Variants in KYNU observed in about 807,000 individuals in gnomAD.
The protein encoded by KYNU is kynureninase.
Under a neutral mutation model 59.2 loss-of-function variants are expected in KYNU, and 54 were observed. The ratio of observed to expected loss-of-function variants is 0.91; its 90% CI spans 0.73 to 1.14. KYNU has a LOEUF of 1.14. Among genes scored for constraint, KYNU ranks in the 50% most tolerant of loss-of-function variants. KYNU has a pLI of 0.00. For synonymous variants in KYNU, 177 were observed against 192.0 expected, an observed-to-expected ratio of 0.92 and a Z score of 0.65; for missense variants, 567 against 554.4, an observed-to-expected ratio of 1.02 and a Z score of -0.23.
At chr2:142,945,089 A>G (rs1193298005) in intron 4 of KYNU, among the ~76,000 whole-genome samples, 3 of 152,188 alleles carry the variant, frequency 2.0e-5, no homozygotes, top group African/African-American at 7.2e-5. Context: ...CTGCTGACCA[A>G]TTGGGATGGT....
At chr2:143,022,377 A>G (rs352922) in intron 10 of KYNU, among the ~76,000 whole-genome samples, 53,980 of 151,844 alleles carry the variant, frequency 0.36, 10,572 homozygotes, top group East Asian at 0.52. Context: ...TGTGAACCCT[A>G]CTGTTCATAA....
chr2:142,965,329 GGTCT>G (rs1317441095), intron 8 of KYNU, among the ~76,000 whole-genome samples: 1 of 151,894 alleles, frequency 6.6e-6, no homozygotes, highest in Non-Finnish European at 1.5e-5. Context: ...ATCCTTTCAG[GGTCT>G]GTCTTTCTTT....
At chr2:142,958,060 A>G (rs1036179936) in intron 7 of KYNU, 32 of 265,372 alleles carry the variant, frequency 1.2e-4, no homozygotes, top group South Asian at 2.1e-4. Context: ...CATTAAAATC[A>G]TGCTAAAGAC....
At position 143,005,888 on chromosome 2, in the gene KYNU, C is replaced by T. The variant is rs553206253; in HGVS notation, c.902+19867C>T. 1.3e-5 allele frequency among the ~76,000 whole-genome samples: 2 copies of T among 152,140 alleles called. 1 individual carries two copies. The highest frequency in any genetic ancestry group is 4.1e-4 in the South Asian group (2 of 4,820). On this transcript the variant is annotated intron_variant, in intron 10 of 13. Transcript: ENST00000264170. ...TAAAGTTTGCTGCAGTCTAAAGCTA[C>T]AAGTACACATTGCTTCAGTTCATGC...
At position 142,932,994 on chromosome 2, in the gene KYNU, G is replaced by C. The variant is rs575114444; in HGVS notation, c.373+5253G>C. On this transcript the variant is annotated intron_variant, in intron 4 of 13. Transcript: ENST00000264170. Reference sequence around the variant, plus strand: ...GCTGGTTAGCATAGTGATTTGGGGGGTTTCTATGAATAGAGCATACAGTTG... The same window carrying C: ...GCTGGTTAGCATAGTGATTTGGGGGCTTTCTATGAATAGAGCATACAGTTG... 1.9e-4 allele frequency among the ~76,000 whole-genome samples: 29 copies of C among 152,192 alleles called. No individual in the cohort carries two copies. In the South Asian group the frequency reaches 6.0e-3, roughly 32 times the overall value.
At chr2:142,942,172 AAAG>A (rs1486286347) in intron 4 of KYNU, among the ~76,000 whole-genome samples, 1 of 151,026 alleles carries the variant, frequency 6.6e-6, no homozygotes, top group Non-Finnish European at 1.5e-5. Flanking sequence ...AAAAAAAAAA[AAAG>A]AAAAAAAAAA....
intron 4 of KYNU, among the ~76,000 whole-genome samples, chr2:142,939,318 T>A (rs1683500994): frequency 6.6e-6 from 1 of 151,998 alleles, no homozygotes; most frequent in Non-Finnish European, 1.5e-5. Flanking sequence ...AGATAACAGA[T>A]TGAGTCTGAG....
At chr2:142,952,073 C>T (rs763008647) in intron 4 of KYNU, among the ~76,000 whole-genome samples, 1 of 152,034 alleles carries the variant, frequency 6.6e-6, no homozygotes, top group East Asian at 1.9e-4. Flanking sequence ...GAATCTGTAT[C>T]GTGTTTTGTT....
chr2:142,985,738 A>G (rs1398648765), intron 9 of KYNU, among the ~76,000 whole-genome samples: 1 of 151,966 alleles, frequency 6.6e-6, no homozygotes. Context: ...AGTAATAGCC[A>G]TTTATTCTCA....
intron 6 of KYNU, 133 bp downstream of exon 6, chr2:142,956,407 T>C (rs1340962051): frequency 1.6e-6 from 1 of 611,010 alleles, no homozygotes; most frequent in African/African-American, 1.9e-5. Flanking sequence ...TCAAATGCTT[T>C]TGATTAAATT....
At chr2:142,901,405 C>A (rs13011324) in intron 2 of KYNU, among the ~76,000 whole-genome samples, 22,671 of 152,048 alleles carry the variant, frequency 0.15, 2,601 homozygotes, top group African/African-American at 0.32. Flanking sequence ...TACTAGGGGT[C>A]CTTCTATAAG....
intron 10 of KYNU, among the ~76,000 whole-genome samples, chr2:143,026,479 G>A (rs1359869993): frequency 6.6e-6 from 1 of 152,202 alleles, no homozygotes; most frequent in Non-Finnish European, 1.5e-5. Context: ...ACGAGCGAAC[G>A]AGTACGGGAG....
chr2:142,959,376 C>T (rs778692556), intron 7 of KYNU, among the ~76,000 whole-genome samples: 4 of 152,024 alleles, frequency 2.6e-5, no homozygotes, highest in Non-Finnish European at 5.9e-5. Context: ...CACGTGAGGC[C>T]GGGAGTTCAA....
At chr2:143,007,282 C>T (rs955993641) in intron 10 of KYNU, among the ~76,000 whole-genome samples, 9 of 149,332 alleles carry the variant, frequency 6.0e-5, no homozygotes, top group South Asian at 2.1e-4. Context: ...GGAACCGGTG[C>T]GATCAACTGG....
chr2:142,975,960 G>T (rs1449453915), intron 8 of KYNU, among the ~76,000 whole-genome samples: 1 of 151,994 alleles, frequency 6.6e-6, no homozygotes, highest in Non-Finnish European at 1.5e-5. Context: ...CTCCCTTATT[G>T]GATTTCTTAT....
chr2:142,924,746 A>C (rs1171173990), intron 3 of KYNU, among the ~76,000 whole-genome samples: 2 of 152,232 alleles, frequency 1.3e-5, no homozygotes, highest in African/African-American at 4.8e-5. Flanking sequence ...TTGTAAAAGA[A>C]GATTACATCT....
intron 11 of KYNU, among the ~76,000 whole-genome samples, chr2:143,031,766 G>A (rs1357385547): frequency 6.6e-6 from 1 of 152,128 alleles, no homozygotes; most frequent in Non-Finnish European, 1.5e-5. Flanking sequence ...TGGCCCACAG[G>A]CCATATGGCC....
chr2:142,896,588 C>A (rs921946075), intron 2 of KYNU, among the ~76,000 whole-genome samples: 1 of 151,858 alleles, frequency 6.6e-6, no homozygotes, highest in African/African-American at 2.4e-5. Flanking sequence ...GTTTCGTTAG[C>A]CAGGCTGGAG....
intron 10 of KYNU, among the ~76,000 whole-genome samples, chr2:142,995,912 A>G (rs574296614): frequency 1.3e-5 from 2 of 151,856 alleles, no homozygotes; most frequent in Non-Finnish European, 2.9e-5. Flanking sequence ...TCTGATTGTC[A>G]TTTTATAGGC....
Sources: gnomAD v4.1 joint callset for allele counts (sites outside exome capture counted in the v4.1 genomes callset) on GRCh38, gnomAD v4.1.1 for gene constraint, MANE v1.5 for transcripts, NCBI Gene and HGNC (gene_info 2026-07-23, HGNC 2026-07-21) for gene names.